The following GRIN2B variants were observed in gnomAD, a reference collection of about 807,000 sequenced individuals.
GRIN2B encodes glutamate receptor ionotropic, NMDA 2B.
In GRIN2B, 5 loss-of-function variants were observed where a neutral mutation model predicts 114.5. The observed-to-expected ratio is 0.04, with a 90% confidence interval of 0.02 to 0.09. The LOEUF is 0.09. GRIN2B is among the 10% of genes least tolerant of loss of function. The pLI is 1.00. For missense variants in GRIN2B, 1,108 were observed against 1,943.5 expected (o/e 0.57, Z 8.08); for synonymous variants, 787 against 745.1 (o/e 1.06, Z -0.92).
At chr12:13,794,029 C>T (rs1225432463) in intron 3 of GRIN2B, among the ~76,000 whole-genome samples, 2 of 116,536 alleles carry the variant, frequency 1.7e-5, no homozygotes, top group South Asian at 2.8e-4. Context: ...TGGCAAAATC[C>T]CATCTCTACA....
chr12:13,573,391 C>T lies in GRIN2B; in HGVS notation c.2011-1427G>A, dbSNP rs559347442. On this transcript the variant is annotated intron_variant, in intron 10 of 13. Coordinates refer to ENST00000609686, the MANE Select transcript of GRIN2B (RefSeq NM_000834.5). ...GCATGAACCCAGGAGGCAGAGCAGG[C>T]AGTGAGCTGAGATCATGCCATTGCA... 4.7e-5 allele frequency among the ~76,000 whole-genome samples: 7 copies of T among 149,252 alleles called. No homozygotes were observed. The East Asian group carries it at 1.4e-3, about 29-fold the overall frequency.
intron 3 of GRIN2B, among the ~76,000 whole-genome samples, chr12:13,812,094 C>A (rs1274624164): frequency 1.3e-5 from 2 of 152,182 alleles, no homozygotes; most frequent in Non-Finnish European, 2.9e-5. Context: ...ATTCTGAAGA[C>A]ATACTGGTGT....
At chr12:13,718,913 T>G (rs546267375) in intron 4 of GRIN2B, among the ~76,000 whole-genome samples, 1 of 152,150 alleles carries the variant, frequency 6.6e-6, no homozygotes, top group South Asian at 2.1e-4. Context: ...AAAGATGCCC[T>G]TTGTAGACCA....
At chr12:13,732,744 C>A (rs889825745) in intron 4 of GRIN2B, among the ~76,000 whole-genome samples, 25 of 152,200 alleles carry the variant, frequency 1.6e-4, no homozygotes, top group African/African-American at 6.0e-4. Context: ...GGTACTTTAC[C>A]GTTTGTTGAA....
chr12:13,658,108 G>A (rs1455664237), intron 5 of GRIN2B, among the ~76,000 whole-genome samples: 1 of 151,978 alleles, frequency 6.6e-6, no homozygotes, highest in Non-Finnish European at 1.5e-5. Context: ...TCGGGAGGCT[G>A]AGGCAGGAGA....
intron 3 of GRIN2B, among the ~76,000 whole-genome samples, chr12:13,853,022 T>C (rs1865598633): frequency 6.6e-6 from 1 of 152,166 alleles, no homozygotes; most frequent in African/African-American, 2.4e-5. Context: ...CCTTCACACC[T>C]GCTGTTCTCT....
At chr12:13,575,673 C>T (rs11055529) in intron 10 of GRIN2B, among the ~76,000 whole-genome samples, 13,401 of 147,462 alleles carry the variant, frequency 0.091, 775 homozygotes, top group East Asian at 0.29. Context: ...ATGATAACAA[C>T]AATAATAATA....
At chr12:13,827,202 G>A (rs1294712577) in intron 3 of GRIN2B, among the ~76,000 whole-genome samples, 2 of 79,962 alleles carry the variant, frequency 2.5e-5, no homozygotes, top group Admixed American at 1.1e-4. Context: ...CAGCAATTTT[G>A]TTTATAATGT....
At chr12:13,731,888 TTCA>T in intron 4 of GRIN2B, among the ~76,000 whole-genome samples, 1 of 152,282 alleles carries the variant, frequency 6.6e-6, no homozygotes, top group South Asian at 2.1e-4. Flanking sequence ...TCATAACCAT[TTCA>T]TCAAGTGTTT....
At chr12:13,576,553 CTTTTTTT>C (rs200101766) in intron 10 of GRIN2B, among the ~76,000 whole-genome samples, 1 of 135,304 alleles carries the variant, frequency 7.4e-6, no homozygotes, top group South Asian at 2.3e-4. Flanking sequence ...TTTCTTTTTT[CTTTTTTT>C]TTTTGAAACA....
At chr12:13,638,304 T>C (rs3026182) in intron 5 of GRIN2B, among the ~76,000 whole-genome samples, 12,615 of 152,134 alleles carry the variant, frequency 0.083, 564 homozygotes, top group Non-Finnish European at 0.1. Context: ...GTCCCTACAA[T>C]ACCTGGAAAT....
intron 2 of GRIN2B, among the ~76,000 whole-genome samples, chr12:13,897,423 G>A (rs1231915726): frequency 6.6e-6 from 1 of 152,186 alleles, no homozygotes; most frequent in Non-Finnish European, 1.5e-5. Flanking sequence ...GTGTGATAAA[G>A]AGCACCAGAA....
chr12:13,912,269 A>G (rs548719341), intron 2 of GRIN2B, among the ~76,000 whole-genome samples: 2 of 152,290 alleles, frequency 1.3e-5, no homozygotes, highest in East Asian at 3.9e-4. Context: ...TGCCACTCAC[A>G]GAGAATCAGC....
At chr12:13,858,169 A>C (rs1205178515) in intron 3 of GRIN2B, among the ~76,000 whole-genome samples, 1 of 152,230 alleles carries the variant, frequency 6.6e-6, no homozygotes, top group Non-Finnish European at 1.5e-5. Context: ...AATTCAATGA[A>C]AACATTAAAT....
intron 8 of GRIN2B, among the ~76,000 whole-genome samples, chr12:13,614,419 C>G (rs1351832046): frequency 6.6e-6 from 1 of 152,114 alleles, no homozygotes; most frequent in East Asian, 1.9e-4. Flanking sequence ...ATTTTCCAAC[C>G]CCTCATTCCA....
intron 10 of GRIN2B, among the ~76,000 whole-genome samples, chr12:13,576,983 C>T (rs1302678106): frequency 1.3e-5 from 2 of 152,184 alleles, no homozygotes; most frequent in African/African-American, 2.4e-5. Context: ...GGACAGGCCC[C>T]ATTTCATAGA....
intron 4 of GRIN2B, among the ~76,000 whole-genome samples, chr12:13,680,063 T>G (rs1950113221): frequency 6.6e-6 from 1 of 152,162 alleles, no homozygotes; most frequent in Non-Finnish European, 1.5e-5. Flanking sequence ...ATAAGTGTGA[T>G]AACCACATTT....
chr12:13,886,994 T>A (rs941674356), intron 2 of GRIN2B, among the ~76,000 whole-genome samples: 5 of 152,150 alleles, frequency 3.3e-5, no homozygotes, highest in Non-Finnish European at 7.3e-5. Context: ...TACAGAAAAT[T>A]CAAGTAACTA....
At position 13,567,262 on chromosome 12, in the gene GRIN2B, C is replaced by T; in HGVS notation, c.2361G>A (p.Gly787=). The change falls in exon 13 of 14, where the codon GGG becomes GGA. Residue 787 remains glycine, a splice_region_variant and synonymous_variant. Transcript: ENST00000609686. ...DLAILQLFGD[G]EMEELEALWL... is the part of the protein sequence containing the mutation. ...AGAGAGCTTCCAGTTCTTCCATCTC[C>T]CCTGGGGAAAGGACAGAGAAGGAAA... The T allele has an allele frequency of 1.2e-6, 2 of 1,609,486 alleles. No homozygotes were observed. The highest frequency in any genetic ancestry group is 3.3e-5 in the Admixed American group (2 of 59,964).
Sources: allele counts gnomAD v4.1 joint callset (sites outside exome capture counted in the v4.1 genomes callset), GRCh38; gene constraint gnomAD v4.1.1; transcripts MANE v1.5; gene names NCBI Gene and HGNC (gene_info 2026-07-23, HGNC 2026-07-21).